Variants in ADAD2 observed in about 807,000 individuals in gnomAD.
ADAD2 encodes the protein adenosine deaminase domain-containing protein 2.
ADAD2 carries 60 observed loss-of-function variants against 54.5 expected under a neutral mutation model. That is an observed-to-expected ratio of 1.10 (90% CI 0.89 to 1.36). The LOEUF (loss-of-function observed/expected upper bound fraction) is 1.36, where lower values mean the gene tolerates loss of function less well. Ranked by LOEUF, ADAD2 falls within the 40% of genes most tolerant of loss-of-function variation. The probability of loss-of-function intolerance (pLI) is 0.00; values close to 1 mark genes in which losing one functional copy is unlikely to be tolerated. For synonymous variants in ADAD2, 543 were observed against 366.2 expected, an observed-to-expected ratio of 1.48 and a Z score of -5.51; for missense variants, 1,103 against 801.3, an observed-to-expected ratio of 1.38 and a Z score of -4.54.
intron 2 of ADAD2, 65 bp downstream of exon 2, chr16:84,194,647 C>A: frequency 6.4e-7 from 1 of 1,557,294 alleles, no homozygotes; most frequent in Non-Finnish European, 8.7e-7. Context: ...GCTGGCAGTC[C>A]CGTGGGGAGG....
At chr16:84,191,829 TC>T in intron 1 of ADAD2, 181 bp downstream of exon 1, 1 of 851,106 alleles carries the variant, frequency 1.2e-6, no homozygotes, top group Non-Finnish European at 1.9e-6. Context: ...TGAGCAGCGA[TC>T]TCCAAGGATC....
intron 5 of ADAD2, 33 bp downstream of exon 5, chr16:84,195,479 G>T: frequency 1.9e-6 from 3 of 1,605,522 alleles, no homozygotes; most frequent in Non-Finnish European, 2.6e-6. Context: ...CCTGATAGCA[G>T]CCTTCGCCAG....
rs778186572 is a variant in ADAD2 at position 84,195,113 on chromosome 16, G to A, written c.652G>A (p.Ala218Thr). The change falls in exon 4 of 10, where the codon GCC (alanine) becomes ACC (threonine). Residue 218 changes from alanine to threonine, a missense_variant. Physicochemically the swap from Ala to Thr is moderately conservative, Grantham distance 58 (BLOSUM62 0). Coordinates refer to ENST00000315906, the MANE Select transcript of ADAD2 (RefSeq NM_001145400.2). ...GCAGCGCTGCGCAGCGTTGGTGAGC[G>A]CCGGCTTTGACCTCCTGTTGGACGA... ...HEQRCAALVSAGFDLLLDERS... is the reference protein window; with the variant it reads ...HEQRCAALVSTGFDLLLDERS... 8.1e-6 allele frequency: 13 copies of A among 1,613,730 alleles called. No homozygotes were observed. Among genetic ancestry groups the A allele is most frequent in the Admixed American group, 1.7e-5 (1 of 60,018 alleles).
Position 84,195,439 on chromosome 16 carries a change from C to A in ADAD2, c.877C>A (p.Leu293Met). Residue 293 changes from leucine (L) to methionine (M), a missense_variant, in exon 5 of 10, where the codon CTG (leucine) becomes ATG (methionine). Coordinates refer to ENST00000315906, the MANE Select transcript of ADAD2 (RefSeq NM_001145400.2). ...CHGLVIARRA[L>M]LRFLFRQLLL... is the part of the protein sequence containing the mutation. ...TGGCCTGGTCATCGCCCGCAGGGCC[C>A]TGCTGAGGTGAGGGGCAGTGGGGTG... 1 of 1,609,682 alleles carries A rather than the reference C, an allele frequency of 6.2e-7. No homozygotes were observed.
rs1483831011 is a variant in ADAD2, at chr16:84,195,859, T to C, written c.1097T>C (p.Met366Thr). The C allele has an allele frequency of 1.2e-6, 2 of 1,606,454 alleles. No individual in the cohort carries two copies. Among genetic ancestry groups the C allele is most frequent in the Non-Finnish European group, 1.7e-6 (2 of 1,179,122 alleles). ...SEGGLPHSPP[M>T]RLQAHVLGQL... ...GGTGGCCTCCCGCACAGCCCACCCA[T>C]GCGCCTGCAGGCCCATGTGCTCGGG... Residue 366 changes from methionine (M) to threonine (T), a missense_variant, in exon 7 of 10, where the codon ATG (methionine) becomes ACG (threonine). Transcript: ENST00000315906.
chr16:84,193,760 C>T (rs1313713221), intron 1 of ADAD2: 1 of 409,526 alleles, frequency 2.4e-6, no homozygotes, highest in East Asian at 3.8e-5. Context: ...AACATCCCTT[C>T]CACGTCTGTC....
chr16:84,195,951 A>T lies in ADAD2; in HGVS notation c.1189A>T (p.Ser397Cys), dbSNP rs773680145. ...CDTHVGCLSASDKLARWAVLG... is the reference protein window; with the variant it reads ...CDTHVGCLSACDKLARWAVLG... ...CACCCACGTGGGCTGCCTGTCAGCC[A>T]GTGACAAGCTGGCACGCTGGGCCGT... Residue 397 changes from serine to cysteine, a missense_variant, in exon 7 of 10, where the codon AGT becomes TGT. Transcript: ENST00000315906. The T allele has an allele frequency of 6.3e-7, 1 of 1,599,482 alleles. No individual in the cohort carries two copies. The highest frequency in any genetic ancestry group is 8.5e-7 in the Non-Finnish European group (1 of 1,179,586).
rs781038898 is a variant in ADAD2, at chr16:84,195,363, C to T, written c.801C>T (p.Ser267=). The T allele has an allele frequency of 6.2e-7, 1 of 1,609,666 alleles. No individual in the cohort carries two copies. Among genetic ancestry groups the T allele is most frequent in the Non-Finnish European group, 8.5e-7 (1 of 1,179,582 alleles). ...YKLVALGTGS[S]CCAGWLEFSG... ...TGGTGGCTCTGGGCACCGGCAGCAG[C>T]TGCTGTGCTGGCTGGCTGGAGTTCT... The change falls in exon 5 of 10, where the codon AGC becomes AGT. Residue 267 remains serine (S), a synonymous_variant. Coordinates refer to ENST00000315906, the MANE Select transcript of ADAD2 (RefSeq NM_001145400.2).
In ADAD2 at chr16:84,195,062, G is replaced by A; in HGVS notation, c.608-7G>A. On this transcript the variant is annotated splice_polypyrimidine_tract_variant and splice_region_variant and intron_variant, in intron 3 of 9. Transcript: ENST00000315906. ...CCTTCTACCTGCAGTCTCTCGCCCTGGCGCAGAGAACATCCTGACCCATGA... is the reference window on the plus strand; with the variant it reads ...CCTTCTACCTGCAGTCTCTCGCCCTAGCGCAGAGAACATCCTGACCCATGA... 2 of 1,613,168 alleles carry A rather than the reference G, an allele frequency of 1.2e-6. No individual in the cohort carries two copies. The highest frequency in any genetic ancestry group is 1.7e-6 in the Non-Finnish European group (2 of 1,179,672).
At chr16:84,194,384 G>A in intron 1 of ADAD2, 58 bp from the exon 2 acceptor site, 1 of 1,576,258 alleles carries the variant, frequency 6.3e-7, no homozygotes, top group Non-Finnish European at 8.6e-7. Flanking sequence ...AGGCAGAGGT[G>A]GTACCTGTCA....
Position 84,191,470 on chromosome 16 carries a change from A to G in ADAD2, c.240A>G (p.Ala80=). 1 of 1,533,606 alleles carries G rather than the reference A, an allele frequency of 6.5e-7. No individual in the cohort carries two copies. The highest frequency in any genetic ancestry group is 2.5e-5 in the East Asian group (1 of 40,770). The allele number at this position is 1,533,606 out of a possible 1,614,324, so 95.0% of individuals were successfully genotyped here. ...GAGAGVGELG[A]ARAWENLGEQ... is the part of the protein sequence containing the mutation. ...GGGCCGGAGTCGGGGAACTGGGGGCAGCCCGGGCGTGGGAAAACTTGGGGG... is the reference window on the plus strand; with the variant it reads ...GGGCCGGAGTCGGGGAACTGGGGGCGGCCCGGGCGTGGGAAAACTTGGGGG... Residue 80 remains alanine, a synonymous_variant, in exon 1 of 10, where the codon GCA becomes GCG. Coordinates refer to ENST00000315906, the MANE Select transcript of ADAD2 (RefSeq NM_001145400.2).
chr16:84,196,912 C>T lies in ADAD2; in HGVS notation c.1690C>T (p.Leu564=). ...GGCTCGCAGGCAGCTGTCTCTCCTCCTGGACCAGCAGGGCCTGGGGGCTTG... is the reference window on the plus strand; with the variant it reads ...GGCTCGCAGGCAGCTGTCTCTCCTCTTGGACCAGCAGGGCCTGGGGGCTTG... The part of the protein sequence containing the change: ...QEARRQLSLL[L]DQQGLGAWPS... Residue 564 remains leucine (L), a synonymous_variant, in exon 10 of 10, where the codon CTG becomes TTG. Coordinates refer to ENST00000315906, the MANE Select transcript of ADAD2 (RefSeq NM_001145400.2). The T allele has an allele frequency of 6.2e-7, 1 of 1,603,142 alleles. No individual in the cohort carries two copies. The highest frequency in any genetic ancestry group is 8.5e-7 in the Non-Finnish European group (1 of 1,175,920).
intron 1 of ADAD2, chr16:84,192,970 G>A (rs2089674653): frequency 6.6e-6 from 1 of 151,812 alleles, no homozygotes; most frequent in African/African-American, 2.4e-5. Context: ...TCAGCCTCCC[G>A]AGTAGCTGGA....
chr16:84,195,724 G>A (rs1248671067), intron 6 of ADAD2, 27 bp downstream of exon 6: 1 of 1,529,568 alleles, frequency 6.5e-7, no homozygotes, highest in Non-Finnish European at 8.8e-7. Flanking sequence ...GGGCAGGCGG[G>A]GGATGGGGCT....
chr16:84,191,876 A>C, intron 1 of ADAD2: 1 of 669,854 alleles, frequency 1.5e-6, no homozygotes, highest in Non-Finnish European at 2.6e-6. Context: ...TGAAAGAGTC[A>C]TGGCAGGTGA....
rs751357105 is a variant in ADAD2 at position 84,195,405 on chromosome 16, C to A, written c.843C>A (p.His281Gln). 1 of 1,609,168 alleles carries A rather than the reference C, an allele frequency of 6.2e-7. No individual in the cohort carries two copies. Among genetic ancestry groups the A allele is most frequent in the South Asian group, 1.1e-5 (1 of 90,934 alleles). ...TGGAGTTCTCGGGCCAGCAGCTCCACGACTGCCATGGCCTGGTCATCGCCC... is the reference window on the plus strand; with the variant it reads ...TGGAGTTCTCGGGCCAGCAGCTCCAAGACTGCCATGGCCTGGTCATCGCCC... ...GWLEFSGQQL[H>Q]DCHGLVIARR... Residue 281 changes from histidine to glutamine, a missense_variant, in exon 5 of 10, where the codon CAC becomes CAA. Transcript: ENST00000315906.
At chr16:84,194,810 G>A (rs1010350754) in intron 2 of ADAD2, 123 bp from the exon 3 acceptor site, 52 of 1,289,520 alleles carry the variant, frequency 4.0e-5, no homozygotes, top group East Asian at 2.5e-5. Context: ...CGCTAGAAGA[G>A]CAGCTCGTGT....
chr16:84,196,360 G>T lies in ADAD2; in HGVS notation c.1516G>T (p.Val506Leu). 6.2e-7 allele frequency: 1 copy of T among 1,611,804 alleles called. No homozygotes were observed. The highest frequency in any genetic ancestry group is 2.2e-5 in the East Asian group (1 of 44,856). Residue 506 changes from valine (V) to leucine (L), a missense_variant, in exon 8 of 10, where the codon GTG (valine) becomes TTG (leucine). Physicochemically the swap from Val to Leu is conservative, Grantham distance 32. Coordinates refer to ENST00000315906, the MANE Select transcript of ADAD2 (RefSeq NM_001145400.2). ...GGTTGTGGATGTGGCCACCGGGCGTGTGAAGGCCAAGTGAGAAGGGCCCCC... is the reference window on the plus strand; with the variant it reads ...GGTTGTGGATGTGGCCACCGGGCGTTTGAAGGCCAAGTGAGAAGGGCCCCC... The part of the protein sequence containing the change: ...IEVVDVATGR[V>L]KANAALGPPS...
At position 84,196,784 on chromosome 16, in the gene ADAD2, C is replaced by G. The variant is rs374548764; in HGVS notation, c.1647+17C>G. 2.5e-6 allele frequency: 4 copies of G among 1,602,054 alleles called. No homozygotes were observed. Among genetic ancestry groups the G allele is most frequent in the Non-Finnish European group, 3.4e-6 (4 of 1,172,090 alleles). ...GCTGCCAAGGTTGGTTCCCCACCCT[C>G]CCCCCGTCCCGGTCCCTCTCCAGCC... On this transcript the variant is annotated intron_variant, in intron 9 of 9. Transcript: ENST00000315906.
Sources: gnomAD v4.1 joint callset for allele counts on GRCh38, gnomAD v4.1.1 for gene constraint, MANE v1.5 for transcripts, NCBI Gene and HGNC (gene_info 2026-07-23, HGNC 2026-07-21) for gene names.